The following DNAI7 variants were observed in gnomAD, a reference collection of about 807,000 sequenced individuals.
The protein encoded by DNAI7 is dynein axonemal intermediate chain 7.
In DNAI7, 78 loss-of-function variants were observed where a neutral mutation model predicts 86.6. The ratio of observed to expected loss-of-function variants is 0.90; its 90% CI spans 0.75 to 1.09. The LOEUF is 1.09. Ranked by LOEUF, DNAI7 falls within the 50% of genes least tolerant of loss-of-function variation. The pLI is 0.00. For synonymous variants in DNAI7, 274 were observed against 273.0 expected (o/e 1.00, Z -0.04); for missense variants, 753 against 810.2 (o/e 0.93, Z 0.86).
At position 25,114,876 on chromosome 12, in the gene DNAI7, TAATTG is replaced by T. The variant is rs903442270; in HGVS notation, c.1397-11_1397-7del. On this transcript the variant is annotated splice_region_variant and splice_polypyrimidine_tract_variant and intron_variant, in intron 12 of 15. Coordinates refer to ENST00000395987, the MANE Select transcript of DNAI7 (RefSeq NM_018272.5). ...ATCAGTTCTCCAATGTTTACCTTTA[TAATTG>T]ATGAAGAAAGTGACACTAGTTTCAT... 7 of 1,592,968 alleles carry T rather than the reference TAATTG, an allele frequency of 4.4e-6. No individual in the cohort carries two copies. The highest frequency in any genetic ancestry group is 5.2e-6 in the Non-Finnish European group (6 of 1,164,788).
At chr12:25,151,869 G>A (rs190116360) in intron 6 of DNAI7, among the ~76,000 whole-genome samples, 22 of 152,220 alleles carry the variant, frequency 1.4e-4, no homozygotes, top group Admixed American at 9.1e-4. Context: ...CGCAATGCAT[G>A]GTATGAGCTT....
chr12:25,159,168 AATG>A (rs1946557323), intron 3 of DNAI7, among the ~76,000 whole-genome samples: 1 of 152,178 alleles, frequency 6.6e-6, no homozygotes. Flanking sequence ...TTCTTGTGGA[AATG>A]ATGTAGGAGT....
chr12:25,116,281 C>G (rs1277311478), intron 12 of DNAI7, among the ~76,000 whole-genome samples: 3 of 152,038 alleles, frequency 2.0e-5, no homozygotes, highest in Admixed American at 2.0e-4. Flanking sequence ...TTTAATTCCT[C>G]TTTTTGTCGC....
rs747785665 is a variant in DNAI7, at chr12:25,154,365, T to C, written c.392A>G (p.Asn131Ser). 6.2e-6 allele frequency: 10 copies of C among 1,611,506 alleles called. No individual in the cohort carries two copies. Among genetic ancestry groups the C allele is most frequent in the African/African-American group, 1.3e-5 (1 of 74,964 alleles). ...CTCAATCACTTCCTCAAAAGTCTCA[T>C]TTGTTTTCTCTTTCCACAAACTAAT... ...TFISLWKEKT[N>S]ETFEEVIEKS... The change falls in exon 6 of 16, where the codon AAT becomes AGT. Residue 131 changes from asparagine (N) to serine (S), a missense_variant. Physicochemically the swap from Asn to Ser is conservative, Grantham distance 46 (BLOSUM62 1). Transcript: ENST00000395987.
intron 9 of DNAI7, among the ~76,000 whole-genome samples, chr12:25,135,832 T>G (rs10842480): frequency 6.7e-6 from 1 of 149,670 alleles, no homozygotes; most frequent in African/African-American, 2.5e-5. Context: ...CCCCATCCCC[T>G]AGAGCAGCCG....
chr12:25,124,567 T>C (rs1196862040), intron 9 of DNAI7, among the ~76,000 whole-genome samples: 1 of 152,174 alleles, frequency 6.6e-6, no homozygotes, highest in Non-Finnish European at 1.5e-5. Context: ...AATGTGTGGG[T>C]GAAGACAGGC....
At position 25,152,737 on chromosome 12, in the gene DNAI7, ACGGGGGTCTG is replaced by A. The variant is rs573850355; in HGVS notation, c.438+1572_438+1581del. On this transcript the variant is annotated intron_variant, in intron 6 of 15. Transcript: ENST00000395987. ...GTGAAGGAAAGGGCAGTTTTGTGGG[ACGGGGGTCTG>A]CACTAGCTCTAAGTACTCAGTACCA... Among the ~76,000 whole-genome samples, 35 of 152,296 alleles carry A rather than the reference ACGGGGGTCTG, an allele frequency of 2.3e-4. 1 individual carries two copies. In the South Asian group the frequency reaches 6.8e-3, roughly 30 times the overall value.
intron 8 of DNAI7, among the ~76,000 whole-genome samples, chr12:25,144,915 C>T (rs377723688): frequency 1.3e-5 from 2 of 152,122 alleles, no homozygotes; most frequent in East Asian, 3.8e-4. Flanking sequence ...CTTCTGTCTC[C>T]TCTATATGGC....
At chr12:25,114,444 A>G (rs554957149) in intron 13 of DNAI7, among the ~76,000 whole-genome samples, 1 of 152,296 alleles carries the variant, frequency 6.6e-6, no homozygotes, top group East Asian at 1.9e-4. Context: ...TTTAAGTTTG[A>G]GCCTTGCTAT....
chr12:25,150,226 G>T (rs1486880157), intron 6 of DNAI7, among the ~76,000 whole-genome samples: 1 of 152,162 alleles, frequency 6.6e-6, no homozygotes, highest in Non-Finnish European at 1.5e-5. Flanking sequence ...CAAAGTATTT[G>T]ACCTCTGATT....
chr12:25,148,779 C>G (rs768732004), intron 7 of DNAI7, among the ~76,000 whole-genome samples: 1 of 152,140 alleles, frequency 6.6e-6, no homozygotes, highest in African/African-American at 2.4e-5. Context: ...AAGCTAGCCT[C>G]TTAGCTAACG....
intron 13 of DNAI7, 31 bp from the exon 14 acceptor site, chr12:25,111,970 T>C (rs943946966): frequency 5.5e-6 from 8 of 1,464,640 alleles, no homozygotes; most frequent in Admixed American, 4.3e-5. Context: ...GAAGCTTTTA[T>C]GTAAGTTAAA....
At chr12:25,112,624 T>A (rs1039752596) in intron 13 of DNAI7, among the ~76,000 whole-genome samples, 1 of 152,070 alleles carries the variant, frequency 6.6e-6, no homozygotes, top group South Asian at 2.1e-4. Flanking sequence ...GCCAGGATGG[T>A]CTCGATCTCC....
At chr12:25,123,346 T>A in intron 9 of DNAI7, 60 bp from the exon 10 acceptor site, 1 of 1,153,756 alleles carries the variant, frequency 8.7e-7, no homozygotes, top group Non-Finnish European at 1.2e-6. Context: ...ACAGTCATTG[T>A]CTTTGTGTTC....
intron 2 of DNAI7, among the ~76,000 whole-genome samples, chr12:25,178,538 T>G (rs1282104269): frequency 2.6e-5 from 4 of 152,172 alleles, no homozygotes; most frequent in Non-Finnish European, 5.9e-5. Context: ...GTTCATTTAT[T>G]TAATAAATAC....
rs145366713 is a variant in DNAI7, at chr12:25,189,681, A to G, written c.21+933T>C. Among the ~76,000 whole-genome samples the G allele has an allele frequency of 1.3e-3, 204 of 152,242 alleles. 1 individual carries two copies. The highest frequency in any genetic ancestry group is 4.8e-3 in the African/African-American group (198 of 41,558). ...AAACAAAACCAAGAAAATACAGAGT[A>G]TAATTGATCTGTAAAAGGGAACAAT... On this transcript the variant is annotated intron_variant, in intron 2 of 15. Coordinates refer to ENST00000395987, the MANE Select transcript of DNAI7 (RefSeq NM_018272.5).
At chr12:25,186,737 A>G (rs1950073149) in intron 2 of DNAI7, among the ~76,000 whole-genome samples, 1 of 152,184 alleles carries the variant, frequency 6.6e-6, no homozygotes. Context: ...ACTTTGTAAG[A>G]AGGGTGATTG....
In DNAI7 at chr12:25,131,650, A is replaced by T. The variant is rs563573611; in HGVS notation, c.1003-8364T>A. Among the ~76,000 whole-genome samples, 30 of 152,298 alleles carry T rather than the reference A, an allele frequency of 2.0e-4. No individual in the cohort carries two copies. The South Asian group carries it at 2.1e-3, about 11-fold the overall frequency. On this transcript the variant is annotated intron_variant, in intron 9 of 15. Transcript: ENST00000395987. The stretch of plus-strand genomic sequence containing the variant: ...GCAGAAGTGATCTCCAGCACACCCA[A>T]CTGTAATGAAGAGGATCTTAAGTAT...
chr12:25,169,942 C>T (rs531570409), intron 2 of DNAI7, among the ~76,000 whole-genome samples: 1 of 151,590 alleles, frequency 6.6e-6, no homozygotes, highest in East Asian at 1.9e-4. Flanking sequence ...ATTCATCTAA[C>T]ACATAAGGAC....
Sources: allele counts gnomAD v4.1 joint callset (sites outside exome capture counted in the v4.1 genomes callset), GRCh38; gene constraint gnomAD v4.1.1; transcripts MANE v1.5; gene names NCBI Gene and HGNC (gene_info 2026-07-23, HGNC 2026-07-21).